Variants in PHF14 observed in about 807,000 individuals in gnomAD.
The protein encoded by PHF14 is PHD finger protein 14.
In PHF14, 55 loss-of-function variants were observed where a neutral mutation model predicts 117.9. That is an observed-to-expected ratio of 0.47 (90% CI 0.38 to 0.58). The LOEUF (loss-of-function observed/expected upper bound fraction) is 0.58, where lower values mean the gene tolerates loss of function less well. PHF14 is among the 20% of genes least tolerant of loss of function. The pLI, the probability that PHF14 is intolerant of heterozygous loss-of-function variation, is 0.00. For synonymous variants in PHF14, 409 were observed against 368.6 expected, an observed-to-expected ratio of 1.11 and a Z score of -1.26; for missense variants, 978 against 1,122.2, an observed-to-expected ratio of 0.87 and a Z score of 1.84.
Position 11,041,022 on chromosome 7 carries a change from G to C in PHF14, c.2180+247G>C, listed in dbSNP as rs988807050. Among the ~76,000 whole-genome samples the C allele has an allele frequency of 2.0e-5, 3 of 151,816 alleles. No homozygotes were observed. The East Asian group carries it at 5.8e-4, about 29-fold the overall frequency. ...TTTGGGGAACTGGAAAATTACTTTAGATAACATTATAGTTATTGTCTTAAA... is the reference window on the plus strand; with the variant it reads ...TTTGGGGAACTGGAAAATTACTTTACATAACATTATAGTTATTGTCTTAAA... On this transcript the variant is annotated intron_variant, in intron 12 of 17. Transcript: ENST00000634607.
At chr7:11,111,786 A>C (rs1333922119) in intron 17 of PHF14, among the ~76,000 whole-genome samples, 1 of 152,052 alleles carries the variant, frequency 6.6e-6, no homozygotes, top group African/African-American at 2.4e-5. Flanking sequence ...GAATGGCAGG[A>C]AAATTCCACC....
intron 13 of PHF14, among the ~76,000 whole-genome samples, chr7:11,050,672 T>G (rs1784827256): frequency 6.6e-6 from 1 of 152,224 alleles, no homozygotes; most frequent in African/African-American, 2.4e-5. Context: ...TAGATAATCC[T>G]AATATTATAA....
At chr7:11,138,253 G>T (rs547522010) in intron 17 of PHF14, among the ~76,000 whole-genome samples, 2 of 151,880 alleles carry the variant, frequency 1.3e-5, no homozygotes, top group South Asian at 4.2e-4. Flanking sequence ...GCGTTAGCCA[G>T]GATGGTCTCG....
chr7:11,155,819 T>C (rs566546585), intron 17 of PHF14, among the ~76,000 whole-genome samples: 2 of 152,156 alleles, frequency 1.3e-5, no homozygotes, highest in Admixed American at 6.6e-5. Context: ...AGCTAGCTAG[T>C]TGATGTTCAA....
chr7:11,085,079 G>A (rs1429979725), intron 16 of PHF14, among the ~76,000 whole-genome samples: 2 of 151,978 alleles, frequency 1.3e-5, no homozygotes, highest in East Asian at 3.8e-4. Flanking sequence ...ATTTATGTCT[G>A]AAAAACTAAA....
intron 16 of PHF14, among the ~76,000 whole-genome samples, chr7:11,081,850 C>T (rs1157229503): frequency 3.4e-5 from 5 of 147,048 alleles, no homozygotes; most frequent in South Asian, 2.1e-4. Flanking sequence ...AATGAGACTC[C>T]GTCTCAAAAA....
At chr7:11,150,548 A>C (rs1466313293) in intron 17 of PHF14, among the ~76,000 whole-genome samples, 1 of 152,108 alleles carries the variant, frequency 6.6e-6, no homozygotes, top group Non-Finnish European at 1.5e-5. Flanking sequence ...GGGAATTTTT[A>C]TTTCTTTCTT....
chr7:11,023,147 G>A (rs2301961), intron 6 of PHF14, among the ~76,000 whole-genome samples, 168 bp downstream of exon 6: 1,924 of 152,202 alleles, frequency 0.013, 42 homozygotes, highest in East Asian at 0.1. Context: ...AGCCAATAAT[G>A]CATAAATTCT....
chr7:11,136,741 A>G (rs1788231508), intron 17 of PHF14, among the ~76,000 whole-genome samples: 1 of 152,218 alleles, frequency 6.6e-6, no homozygotes, highest in Non-Finnish European at 1.5e-5. Flanking sequence ...TATAAACATA[A>G]GATTAGATAT....
In PHF14 at chr7:11,037,007, A is replaced by G. The variant is rs1385555517; in HGVS notation, c.1896A>G (p.Gln632=). ...TAGAGAGAAATATGCGCATGATTCA[A>G]ATTCAGGAAAATATGGCTGAACAAA... ...YYFERNMRMI[Q]IQENMAEQKN... is the part of the protein sequence containing the mutation. Residue 632 remains glutamine, a synonymous_variant, in exon 10 of 18, where the codon CAA becomes CAG. Transcript: ENST00000634607. 6.6e-7 allele frequency: 1 copy of G among 1,512,086 alleles called. No homozygotes were observed. The highest frequency in any genetic ancestry group is 1.2e-5 in the South Asian group (1 of 81,708). The allele number at this position is 1,512,086 out of a possible 1,614,324, so 93.7% of individuals were successfully genotyped here. A position where few individuals can be genotyped will look rare whatever the true frequency, so the allele number is the denominator to read the frequency against.
intron 17 of PHF14, among the ~76,000 whole-genome samples, chr7:11,141,169 A>C (rs1788387270): frequency 6.6e-6 from 1 of 152,048 alleles, no homozygotes; most frequent in African/African-American, 2.4e-5. Flanking sequence ...GTTACACCTT[A>C]AGTTTTACTT....
At chr7:11,127,413 T>G (rs1787958119) in intron 17 of PHF14, among the ~76,000 whole-genome samples, 1 of 152,090 alleles carries the variant, frequency 6.6e-6, no homozygotes, top group Admixed American at 6.6e-5. Context: ...TTGGCTAGAT[T>G]CCTTTCTAGA....
chr7:11,109,148 G>A (rs1159312057), intron 16 of PHF14: 1 of 151,756 alleles, frequency 6.6e-6, no homozygotes, highest in East Asian at 1.9e-4. Context: ...GCCTCAGTAA[G>A]TTTTAGTGGT....
At chr7:11,147,492 ACT>A (rs1788579724) in intron 17 of PHF14, among the ~76,000 whole-genome samples, 1 of 152,076 alleles carries the variant, frequency 6.6e-6, no homozygotes, top group South Asian at 2.1e-4. Context: ...CACTACAATG[ACT>A]CTTGTTAATG....
intron 14 of PHF14, 88 bp downstream of exon 14, chr7:11,051,868 T>C (rs1487265727): frequency 3.2e-5 from 35 of 1,080,208 alleles, no homozygotes; most frequent in Non-Finnish European, 4.1e-5. Context: ...AAACATATAC[T>C]CAGAAGTCAA....
At chr7:11,015,403 A>G (rs1053422890) in intron 5 of PHF14, among the ~76,000 whole-genome samples, 1 of 152,152 alleles carries the variant, frequency 6.6e-6, no homozygotes, top group Non-Finnish European at 1.5e-5. Context: ...TGTCTATCCA[A>G]AAATAAAATA....
intron 17 of PHF14, among the ~76,000 whole-genome samples, chr7:11,124,513 CCA>C (rs1471131838): frequency 6.6e-6 from 1 of 151,932 alleles, no homozygotes; most frequent in Non-Finnish European, 1.5e-5. Context: ...TTGTTGAGCA[CCA>C]CTATGTGCCT....
At chr7:11,132,276 G>T (rs1358444106) in intron 17 of PHF14, among the ~76,000 whole-genome samples, 2 of 150,098 alleles carry the variant, frequency 1.3e-5, no homozygotes, top group Non-Finnish European at 1.5e-5. Context: ...TGATAACCAG[G>T]GTTTTGTTCT....
At chr7:11,012,088 A>G (rs1029794209) in intron 4 of PHF14, among the ~76,000 whole-genome samples, 1 of 152,208 alleles carries the variant, frequency 6.6e-6, no homozygotes, top group Non-Finnish European at 1.5e-5. Flanking sequence ...CGGCAGCCTC[A>G]TCAATGCTGA....
Sources: allele counts gnomAD v4.1 joint callset (sites outside exome capture counted in the v4.1 genomes callset), GRCh38; gene constraint gnomAD v4.1.1; transcripts MANE v1.5; gene names NCBI Gene and HGNC (gene_info 2026-07-23, HGNC 2026-07-21).